Variants in SV2C observed in about 807,000 individuals in gnomAD.
The protein encoded by SV2C is synaptic vesicle glycoprotein 2C.
SV2C carries 49 observed loss-of-function variants against 79.7 expected under a neutral mutation model. That is an observed-to-expected ratio of 0.61 (90% CI 0.49 to 0.78). The LOEUF is 0.78. SV2C is among the 30% of genes least tolerant of loss of function. The probability of loss-of-function intolerance (pLI) is 0.00; values close to 1 mark genes in which losing one functional copy is unlikely to be tolerated. For missense variants in SV2C, 833 were observed against 912.9 expected (o/e 0.91, Z 1.13); for synonymous variants, 334 against 333.2 (o/e 1.00, Z -0.03).
Position 76,285,315 on chromosome 5 carries a change from A to T in SV2C, c.1047+20A>T. The T allele has an allele frequency of 1.2e-6, 2 of 1,612,856 alleles. No individual in the cohort carries two copies. The highest frequency in any genetic ancestry group is 1.7e-6 in the Non-Finnish European group (2 of 1,179,570). ...TTGGAGGTAACACTTATTATTGCAG[A>T]TACTCAGGTAGCCCACCTCTATTGG... On this transcript the variant is annotated intron_variant, in intron 5 of 12. Coordinates refer to ENST00000502798, the MANE Select transcript of SV2C (RefSeq NM_014979.4).
the SV2C span, among the ~76,000 whole-genome samples, chr5:76,072,694 T>C: frequency 2.0e-5 from 3 of 152,322 alleles, no homozygotes; most frequent in South Asian, 6.2e-4. Context: ...ATTTTTTCCA[T>C]AGTGATTGTA....
intron 4 of SV2C, among the ~76,000 whole-genome samples, chr5:76,241,724 A>G (rs1161567651): frequency 1.3e-5 from 2 of 152,110 alleles, no homozygotes; most frequent in Non-Finnish European, 2.9e-5. Flanking sequence ...TTTTGTGCCA[A>G]GGTGGCCATG....
rs770223470 is a variant in SV2C, at chr5:76,291,249, T to C, written c.1166T>C (p.Ile389Thr). The change falls in exon 7 of 13, where the codon ATA becomes ACA. Residue 389 changes from isoleucine to threonine, a missense_variant. Ile to Thr is a moderately conservative substitution (Grantham distance 89, BLOSUM62 -1). Transcript: ENST00000502798. ...TVNKIKTPKQ[I>T]DELIEIESDT... ...AACAAAATAAAAACTCCTAAACAAA[T>C]AGATGAGCTGATTGAAATTGAGAGT... 3 of 1,612,288 alleles carry C rather than the reference T, an allele frequency of 1.9e-6. No individual in the cohort carries two copies. Among genetic ancestry groups the C allele is most frequent in the African/African-American group, 2.7e-5 (2 of 74,746 alleles).
chr5:76,005,667 ACT>A, the SV2C span, among the ~76,000 whole-genome samples: 2 of 152,286 alleles, frequency 1.3e-5, no homozygotes, highest in South Asian at 4.1e-4. Context: ...ACAGAAAAAC[ACT>A]CTGCTGAGGT....
chr5:75,953,194 T>C, the SV2C span, among the ~76,000 whole-genome samples: 4 of 151,908 alleles, frequency 2.6e-5, no homozygotes, highest in South Asian at 8.3e-4. Context: ...AGGCTCTTTT[T>C]AACAATCAGC....
intron 12 of SV2C, among the ~76,000 whole-genome samples, chr5:76,347,369 G>A (rs1252264540): frequency 2.0e-5 from 3 of 152,108 alleles, no homozygotes; most frequent in African/African-American, 7.2e-5. Context: ...TGAGTGCCTC[G>A]ATCTTAAAGG....
At chr5:75,940,226 C>T in the SV2C span, among the ~76,000 whole-genome samples, 3 of 151,934 alleles carry the variant, frequency 2.0e-5, no homozygotes, top group Non-Finnish European at 4.4e-5. Context: ...TAGCCAGGCA[C>T]GATGGTGTTC....
chr5:76,266,502 C>G (rs1443215011), intron 4 of SV2C, among the ~76,000 whole-genome samples: 1 of 152,156 alleles, frequency 6.6e-6, no homozygotes, highest in Non-Finnish European at 1.5e-5. Context: ...GCCACTGCAC[C>G]CAGGCAACAT....
At chr5:76,252,953 AT>A (rs905785591) in intron 4 of SV2C, among the ~76,000 whole-genome samples, 3 of 152,216 alleles carry the variant, frequency 2.0e-5, no homozygotes, top group Admixed American at 2.0e-4. Flanking sequence ...ATACAACTTT[AT>A]TTTTTAGTTT....
At position 76,245,936 on chromosome 5, in the gene SV2C, A is replaced by ATGTGTGTGTGTGTGTG. The variant is rs60767964; in HGVS notation, c.913+36061_913+36076dup. Among the ~76,000 whole-genome samples, 374 of 129,140 alleles carry ATGTGTGTGTGTGTGTG rather than the reference A, an allele frequency of 2.9e-3. 3 individuals are homozygous for ATGTGTGTGTGTGTGTG. In the Middle Eastern group the frequency reaches 0.033, roughly 11 times the overall value. The allele number at this position is 129,140 out of a possible 152,430, so 84.7% of individuals were successfully genotyped here. ...AGTGTGTGTGTGTGTGTGTGTGTGT[A>ATGTGTGTGTGTGTGTG]TGTGTGTGTGTGTGTGTGTGTGTGT... On this transcript the variant is annotated intron_variant, in intron 4 of 12. Transcript: ENST00000502798.
the SV2C span, chr5:75,920,891 G>A: frequency 1.3e-6 from 1 of 754,368 alleles, no homozygotes; most frequent in Non-Finnish European, 2.5e-6. Flanking sequence ...CGAAGGTCAG[G>A]GTCAGCAGGC....
intron 12 of SV2C, among the ~76,000 whole-genome samples, chr5:76,321,252 C>A (rs1241313201): frequency 6.6e-6 from 1 of 151,894 alleles, no homozygotes; most frequent in Non-Finnish European, 1.5e-5. Context: ...AAGATGTGTG[C>A]TAAATGCTGC....
At chr5:76,095,381 G>A (rs1302040333) in intron 1 of SV2C, among the ~76,000 whole-genome samples, 1 of 152,050 alleles carries the variant, frequency 6.6e-6, no homozygotes, top group African/African-American at 2.4e-5. Flanking sequence ...GCTATCCAGA[G>A]TTTCAGTTTC....
Position 76,128,109 on chromosome 5 carries a change from G to A in SV2C, c.-101-3541G>A, listed in dbSNP as rs184324729. Among the ~76,000 whole-genome samples the A allele has an allele frequency of 1.2e-3, 188 of 152,202 alleles. 2 individuals are homozygous for A. Among genetic ancestry groups the A allele is most frequent in the Admixed American group, 0.011 (167 of 15,282 alleles). ...AGGTGGTTATTATTACCCTTATTTC[G>A]TGGAGAAGGAAACTGACTTGAGTAA... On this transcript the variant is annotated intron_variant, in intron 1 of 12. Transcript: ENST00000502798.
At chr5:75,857,139 A>G in the SV2C span, among the ~76,000 whole-genome samples, 8 of 151,832 alleles carry the variant, frequency 5.3e-5, no homozygotes, top group Non-Finnish European at 1.2e-4. Flanking sequence ...TTGTATTTTT[A>G]GTAGAGACAG....
the SV2C span, among the ~76,000 whole-genome samples, chr5:75,934,507 C>T: frequency 4.0e-5 from 6 of 151,808 alleles, no homozygotes; most frequent in African/African-American, 7.3e-5. Context: ...AGAATGGTCT[C>T]GAACTTCTGA....
chr5:76,063,493 A>G, the SV2C span, among the ~76,000 whole-genome samples: 3 of 152,144 alleles, frequency 2.0e-5, no homozygotes, highest in East Asian at 5.8e-4. Flanking sequence ...CTGGCCTTCC[A>G]TCGGTGGTAG....
At chr5:76,049,923 C>T in the SV2C span, among the ~76,000 whole-genome samples, 1 of 152,182 alleles carries the variant, frequency 6.6e-6, no homozygotes, top group African/African-American at 2.4e-5. Context: ...TACATCATGA[C>T]TATGAAGAGC....
chr5:76,137,085 T>A (rs527319451), intron 2 of SV2C, among the ~76,000 whole-genome samples: 12 of 152,246 alleles, frequency 7.9e-5, no homozygotes, highest in Admixed American at 3.9e-4. Context: ...TTTAAATTTC[T>A]CTGTGCCTCG....
Sources: gnomAD v4.1 joint callset for allele counts (sites outside exome capture counted in the v4.1 genomes callset) on GRCh38, gnomAD v4.1.1 for gene constraint, MANE v1.5 for transcripts, NCBI Gene and HGNC (gene_info 2026-07-23, HGNC 2026-07-21) for gene names.